Variants in FGD1 observed in about 807,000 individuals in gnomAD.
FGD1 encodes the protein FYVE, RhoGEF and PH domain containing 1, also known as FYVE, RhoGEF and PH domain-containing protein 1.
In FGD1, 12 loss-of-function variants were observed where a neutral mutation model predicts 65.0. That is an observed-to-expected ratio of 0.18 (90% confidence interval 0.12 to 0.30). The LOEUF (loss-of-function observed/expected upper bound fraction) is 0.30, where lower values mean the gene tolerates loss of function less well. FGD1 is among the 10% of genes least tolerant of loss of function. FGD1 has a pLI of 1.00. For missense variants in FGD1, 542 were observed against 837.6 expected, an observed-to-expected ratio of 0.65 and a Z score of 4.36; for synonymous variants, 333 against 343.9, an observed-to-expected ratio of 0.97 and a Z score of 0.35.
At chrX:54,475,420 C>T (rs1022956913) in intron 1 of FGD1, among the ~76,000 whole-genome samples, 5 of 111,916 alleles carry the variant, frequency 4.5e-5, no homozygotes, top group Non-Finnish European at 9.4e-5. Context: ...GTGGACCCAA[C>T]GGCTTCCGAA....
Position 54,495,215 on chromosome X carries a change from C to T in FGD1, c.218G>A (p.Gly73Asp), listed in dbSNP as rs1479424555. ...PSDTSLGAAP[G>D]HRVLPCGPSP... ...GGGACCGCAGGGCAAGACCCGGTGG[C>T]CTGGAGCAGCGCCCAGGCTGGTGTC... The change falls in exon 1 of 18, where the codon GGC becomes GAC. Residue 73 changes from glycine (G) to aspartate (D), a missense_variant. Coordinates refer to ENST00000375135, the MANE Select transcript of FGD1 (RefSeq NM_004463.3). The T allele has an allele frequency of 8.4e-7, 1 of 1,190,512 alleles. No individual in the cohort carries two copies.
chrX:54,468,862 T>C lies in FGD1; in HGVS notation c.1116A>G (p.Gln372=). 8.3e-7 allele frequency: 1 copy of C among 1,201,245 alleles called. No homozygotes were observed. The highest frequency in any genetic ancestry group is 2.2e-5 in the Admixed American group (1 of 45,868). Residue 372 remains glutamine, a synonymous_variant, in exon 5 of 18, where the codon CAA becomes CAG. Coordinates refer to ENST00000375135, the MANE Select transcript of FGD1 (RefSeq NM_004463.3). ...GCTCATTGGCAATGTGAAACACCTT[T>C]TGCTGCACAGTCAACTGGAAAGGAG... ...RQESVELTVQ[Q]KVFHIANELL...
chrX:54,479,294 T>C (rs1569541371), intron 1 of FGD1, among the ~76,000 whole-genome samples: 1 of 110,936 alleles, frequency 9.0e-6, no homozygotes, highest in Non-Finnish European at 1.9e-5. Context: ...TGCCAAGTTT[T>C]CCCCCTCCCA....
In FGD1 at chrX:54,445,875, C is replaced by T; in HGVS notation, c.*234G>A. Reference sequence around the variant, plus strand: ...GGTAGGACTGGCAACGGCTCCCACCCTCCCTGGGGACAGGGATTAATAAAA... The same window carrying T: ...GGTAGGACTGGCAACGGCTCCCACCTTCCCTGGGGACAGGGATTAATAAAA... On this transcript the variant is annotated 3_prime_UTR_variant, in exon 18 of 18. Coordinates refer to ENST00000375135, the MANE Select transcript of FGD1 (RefSeq NM_004463.3). 2.5e-6 allele frequency: 1 copy of T among 395,026 alleles called. No individual in the cohort carries two copies. Among genetic ancestry groups the T allele is most frequent in the Non-Finnish European group, 4.4e-6 (1 of 229,798 alleles). 32.6% of individuals were successfully genotyped at this position (395,026 alleles called of 1,213,427 possible). A position where few individuals can be genotyped will look rare whatever the true frequency, so the allele number is the denominator to read the frequency against.
intron 8 of FGD1, among the ~76,000 whole-genome samples, chrX:54,457,911 C>T (rs1445052727): frequency 1.8e-5 from 2 of 111,901 alleles, no homozygotes; most frequent in African/African-American, 6.5e-5. Flanking sequence ...TCTTTGTGTA[C>T]CCCATTCTGT....
At position 54,467,895 on chromosome X, in the gene FGD1, C is replaced by T. The variant is rs764354840; in HGVS notation, c.1229G>A (p.Arg410His). 2 of 1,176,588 alleles carry T rather than the reference C, an allele frequency of 1.7e-6. No individual in the cohort carries two copies. Among genetic ancestry groups the T allele is most frequent in the East Asian group, 3.1e-5 (1 of 31,778 alleles). The change falls in exon 6 of 18, where the codon CGC (arginine) becomes CAC (histidine). Residue 410 changes from arginine (R) to histidine (H), a missense_variant. By Grantham distance (29) the Arg-to-His change is conservative. Transcript: ENST00000375135. ...CARLLEEARN[R>H]SSFPADVVHG... The stretch of plus-strand genomic sequence containing the variant: ...GACAACGTCGGCCGGGAAGGAACTG[C>T]GGTTCCGAGCTTCTTCCAGCAGCCG...
chrX:54,468,974 G>A, intron 4 of FGD1, 98 bp from the exon 5 acceptor site: 1 of 593,195 alleles, frequency 1.7e-6, no homozygotes, highest in Admixed American at 2.6e-5. Flanking sequence ...GCCACTCTAA[G>A]CCTAATACCA....
At chrX:54,494,814 G>A (rs1251733002) in intron 1 of FGD1, among the ~76,000 whole-genome samples, 2 of 111,104 alleles carry the variant, frequency 1.8e-5, no homozygotes, top group African/African-American at 6.5e-5. Context: ...AATATCCAAG[G>A]ATTGCTGCCT....
At position 54,470,367 on chromosome X, in the gene FGD1, C is replaced by T. The variant is rs2147435360; in HGVS notation, c.750G>A (p.Gln250=). 1 of 1,209,900 alleles carries T rather than the reference C, an allele frequency of 8.3e-7. No homozygotes were observed. Among genetic ancestry groups the T allele is most frequent in the Non-Finnish European group, 1.1e-6 (1 of 894,803 alleles). The change falls in exon 4 of 18, where the codon CAG becomes CAA. Residue 250 remains glutamine (Q), a synonymous_variant. Transcript: ENST00000375135. Reference sequence around the variant, plus strand: ...CCTCGGGGAGCTGGGGCACTGGTGGCTGCGAGGTTGGCTGTGGCAACATGA... The same window carrying T: ...CCTCGGGGAGCTGGGGCACTGGTGGTTGCGAGGTTGGCTGTGGCAACATGA... ...EPVMLPQPTS[Q]PPVPQLPEGE...
chrX:54,467,436 C>T (rs1188105046), intron 6 of FGD1, among the ~76,000 whole-genome samples: 1 of 108,242 alleles, frequency 9.2e-6, no homozygotes, highest in Non-Finnish European at 1.9e-5. Context: ...GGTCACCACA[C>T]CTCCGCCTCC....
At chrX:54,484,812 G>C (rs2147443371) in intron 1 of FGD1, among the ~76,000 whole-genome samples, 1 of 113,323 alleles carries the variant, frequency 8.8e-6, no homozygotes, top group East Asian at 2.8e-4. Flanking sequence ...TGTGGTGCTA[G>C]CCAATGGCAG....
At position 54,465,602 on chromosome X, in the gene FGD1, GA is replaced by G; in HGVS notation, c.1498-14del. The G allele has an allele frequency of 8.3e-7, 1 of 1,209,648 alleles. No homozygotes were observed. The highest frequency in any genetic ancestry group is 3.0e-5 in the East Asian group (1 of 33,799). ...AGGCTTCCTCCTTCTGTGACAGGCA[GA>G]AGCAGAGGGGCTCAGATCTGGCTGC... On this transcript the variant is annotated splice_polypyrimidine_tract_variant and intron_variant, in intron 7 of 17. Coordinates refer to ENST00000375135, the MANE Select transcript of FGD1 (RefSeq NM_004463.3).
intron 12 of FGD1, among the ~76,000 whole-genome samples, chrX:54,452,794 G>A (rs867549184): frequency 9.1e-6 from 1 of 110,036 alleles, no homozygotes; most frequent in African/African-American, 3.3e-5. Context: ...CACCTGGGGG[G>A]CTTTTAGAGC....
At chrX:54,448,335 C>T (rs953226349) in intron 16 of FGD1, among the ~76,000 whole-genome samples, 1 of 110,610 alleles carries the variant, frequency 9.0e-6, no homozygotes, top group Admixed American at 9.6e-5. Flanking sequence ...TGCAGGCGTG[C>T]GCCACCATGC....
chrX:54,456,631 G>GTT, intron 8 of FGD1, 64 bp from the exon 9 acceptor site: 1 of 867,842 alleles, frequency 1.2e-6, no homozygotes, highest in Non-Finnish European at 1.6e-6. Flanking sequence ...CCGGGGCTTT[G>GTT]TTTTTTGTTT....
chrX:54,482,771 T>C (rs1298571242), intron 1 of FGD1, among the ~76,000 whole-genome samples: 1 of 103,062 alleles, frequency 9.7e-6, no homozygotes, highest in African/African-American at 3.6e-5. Flanking sequence ...GAGATGGACA[T>C]AGAGGGAGAT....
intron 1 of FGD1, among the ~76,000 whole-genome samples, chrX:54,489,980 C>T (rs1208795622): frequency 8.9e-6 from 1 of 112,302 alleles, no homozygotes; most frequent in Non-Finnish European, 1.9e-5. Context: ...GTTATGTATA[C>T]ACCATGGAAT....
rs769198571 is a variant in FGD1 at position 54,449,083 on chromosome X, G to C, written c.2274+60C>G. The C allele has an allele frequency of 3.3e-6, 4 of 1,207,538 alleles. No homozygotes were observed. The South Asian group carries it at 7.0e-5, about 21-fold the overall frequency. On this transcript the variant is annotated intron_variant, in intron 15 of 17. Coordinates refer to ENST00000375135, the MANE Select transcript of FGD1 (RefSeq NM_004463.3). ...ACTTGGAGGGTACCCACTCTGCAGT[G>C]GGCCTTTGGGCTGCCATTCTGTCCC...
rs148463916 is a variant in FGD1, at chrX:54,490,280, C to T, written c.307+4846G>A. On this transcript the variant is annotated intron_variant, in intron 1 of 17. Coordinates refer to ENST00000375135, the MANE Select transcript of FGD1 (RefSeq NM_004463.3). Reference sequence around the variant, plus strand: ...GAAATAATCTGTATACCAAATCCCCCTGACATGCAGTTTACCCATATAACA... The same window carrying T: ...GAAATAATCTGTATACCAAATCCCCTTGACATGCAGTTTACCCATATAACA... 4.5e-3 allele frequency among the ~76,000 whole-genome samples: 505 copies of T among 111,128 alleles called. 4 individuals carry two copies. Among genetic ancestry groups the T allele is most frequent in the Middle Eastern group, 0.037 (8 of 218 alleles).
Sources: allele counts gnomAD v4.1 joint callset (sites outside exome capture counted in the v4.1 genomes callset), GRCh38; gene constraint gnomAD v4.1.1; transcripts MANE v1.5; gene names NCBI Gene and HGNC (gene_info 2026-07-23, HGNC 2026-07-21).